The following GAS7 variants were observed in gnomAD, a reference collection of about 807,000 sequenced individuals.
GAS7 encodes the protein growth arrest-specific protein 7.
Under a neutral mutation model 71.1 loss-of-function variants are expected in GAS7, and 28 were observed. That is an observed-to-expected ratio of 0.39 (90% CI 0.29 to 0.54). The LOEUF is 0.54. Ranked by LOEUF, GAS7 falls within the 20% of genes least tolerant of loss-of-function variation. The pLI is 0.62. For missense variants in GAS7, 436 were observed against 627.8 expected, an observed-to-expected ratio of 0.69 and a Z score of 3.27; for synonymous variants, 258 against 245.8, an observed-to-expected ratio of 1.05 and a Z score of -0.46.
intron 1 of GAS7, among the ~76,000 whole-genome samples, chr17:10,108,094 G>T (rs1597796477): frequency 6.6e-6 from 1 of 151,124 alleles, no homozygotes; most frequent in East Asian, 2.0e-4. Flanking sequence ...GAGAATCACT[G>T]TACCACAGTC....
At chr17:9,997,149 G>A (rs2071080260) in intron 2 of GAS7, among the ~76,000 whole-genome samples, 1 of 150,024 alleles carries the variant, frequency 6.7e-6, no homozygotes, top group South Asian at 2.1e-4. Flanking sequence ...TTTGAACGAT[G>A]GGAGAACTAC....
chr17:10,008,951 G>A (rs899879058), intron 2 of GAS7, among the ~76,000 whole-genome samples: 1 of 152,096 alleles, frequency 6.6e-6, no homozygotes, highest in Non-Finnish European at 1.5e-5. Flanking sequence ...TTATTAACAC[G>A]GAATTATCAG....
intron 1 of GAS7, among the ~76,000 whole-genome samples, chr17:10,160,936 C>T (rs1404911560): frequency 2.1e-5 from 2 of 93,756 alleles, no homozygotes; most frequent in Non-Finnish European, 4.3e-5. Flanking sequence ...GAAATTGAAA[C>T]CATACACACA....
chr17:10,037,954 C>T (rs2072786970), intron 1 of GAS7, among the ~76,000 whole-genome samples: 1 of 151,924 alleles, frequency 6.6e-6, no homozygotes, highest in Non-Finnish European at 1.5e-5. Flanking sequence ...ATAAAAATGA[C>T]CAATAAGCAC....
chr17:9,985,966 A>G (rs2070632270), intron 2 of GAS7, among the ~76,000 whole-genome samples: 1 of 152,192 alleles, frequency 6.6e-6, no homozygotes, highest in Non-Finnish European at 1.5e-5. Context: ...ACCTGACCTA[A>G]GTCCTGCAAC....
At position 10,148,895 on chromosome 17, in the gene GAS7, G is replaced by T. The variant is rs1369899865; in HGVS notation, c.183+49313C>A. Among the ~76,000 whole-genome samples, 5 of 109,868 alleles carry T rather than the reference G, an allele frequency of 4.6e-5. 1 individual carries two copies. Among genetic ancestry groups the T allele is most frequent in the Middle Eastern group, 6.1e-3 (1 of 164 alleles). 72.1% of individuals were successfully genotyped at this position (109,868 alleles called of 152,430 possible). ...ACTGCACTCCAACCTGGGCGACAGA[G>T]AAAGACTCCGCCTCAAAAAAAAAAA... On this transcript the variant is annotated intron_variant, in intron 1 of 13. Coordinates refer to ENST00000432992, the MANE Select transcript of GAS7 (RefSeq NM_201433.2).
intron 1 of GAS7, among the ~76,000 whole-genome samples, chr17:10,028,085 A>G (rs1441630486): frequency 1.3e-5 from 2 of 152,182 alleles, no homozygotes; most frequent in Non-Finnish European, 2.9e-5. Flanking sequence ...TCTGCTTTTT[A>G]GTAGAGACGG....
At chr17:10,090,824 A>G (rs1307850663) in intron 1 of GAS7, among the ~76,000 whole-genome samples, 2 of 152,186 alleles carry the variant, frequency 1.3e-5, no homozygotes, top group Non-Finnish European at 2.9e-5. Flanking sequence ...TGGCAACCTC[A>G]GAACATGATT....
intron 1 of GAS7, among the ~76,000 whole-genome samples, chr17:10,099,797 C>T (rs1162685383): frequency 6.6e-6 from 1 of 152,150 alleles, no homozygotes; most frequent in Non-Finnish European, 1.5e-5. Context: ...CAAGGTATAC[C>T]CTCTCACCAA....
At chr17:10,092,280 C>CGG (rs1218065617) in intron 1 of GAS7, among the ~76,000 whole-genome samples, 1 of 152,226 alleles carries the variant, frequency 6.6e-6, no homozygotes, top group East Asian at 1.9e-4. Context: ...AAAATACCAT[C>CGG]TCCTGCCACC....
At chr17:10,019,234 A>G (rs554401202) in intron 2 of GAS7, among the ~76,000 whole-genome samples, 1 of 152,294 alleles carries the variant, frequency 6.6e-6, no homozygotes. Context: ...TAAATAACCC[A>G]TAAGCACCCC....
chr17:9,952,976 C>G (rs570900135), intron 5 of GAS7, among the ~76,000 whole-genome samples: 64 of 152,136 alleles, frequency 4.2e-4, no homozygotes, highest in African/African-American at 1.5e-3. Flanking sequence ...ATCATTCGAC[C>G]CAGCAATCCC....
Position 10,086,837 on chromosome 17 carries a change from G to A in GAS7, c.184-66940C>T, listed in dbSNP as rs141622047. On this transcript the variant is annotated intron_variant, in intron 1 of 13. Coordinates refer to ENST00000432992, the MANE Select transcript of GAS7 (RefSeq NM_201433.2). ...TACTTAGCCACCAGCTCACGGGAACGCATCACAGATAATGATACTGGAGGG... is the reference window on the plus strand; with the variant it reads ...TACTTAGCCACCAGCTCACGGGAACACATCACAGATAATGATACTGGAGGG... 3.7e-3 allele frequency among the ~76,000 whole-genome samples: 563 copies of A among 152,296 alleles called. 5 individuals carry two copies. The highest frequency in any genetic ancestry group is 0.01 in the Middle Eastern group (3 of 294).
intron 1 of GAS7, among the ~76,000 whole-genome samples, chr17:10,020,398 G>A (rs2072220949): frequency 6.6e-6 from 1 of 152,196 alleles, no homozygotes; most frequent in Non-Finnish European, 1.5e-5. Flanking sequence ...GAGAATCCAT[G>A]AAGAGCTGGA....
At chr17:10,132,435 TATC>T (rs1298208512) in intron 1 of GAS7, among the ~76,000 whole-genome samples, 1 of 152,170 alleles carries the variant, frequency 6.6e-6, no homozygotes, top group African/African-American at 2.4e-5. Flanking sequence ...CTCCATGTGG[TATC>T]ACATTTAAAG....
rs34994635 is a variant in GAS7 at position 9,919,969 on chromosome 17, T to TTGTGTGTG, written c.1139-272_1139-265dup. On this transcript the variant is annotated intron_variant, in intron 11 of 13. Transcript: ENST00000432992. The surrounding 1 kb of genome is among the most constrained non-coding windows in gnomAD (Gnocchi z 5.0). Reference sequence around the variant, plus strand: ...AGGATTCAGGATGGTGGTTCTCATTTTGTGTGTGTGTGTGTGTGTGTGTGT... The same window carrying TTGTGTGTG: ...AGGATTCAGGATGGTGGTTCTCATTTTGTGTGTGTGTGTGTGTGTGTGTGTGTGTGTGT... Among the ~76,000 whole-genome samples the TTGTGTGTG allele has an allele frequency of 0.025, 3,279 of 131,410 alleles. 78 individuals are homozygous for TTGTGTGTG. Among genetic ancestry groups the TTGTGTGTG allele is most frequent in the African/African-American group, 0.03 (1,044 of 34,324 alleles). 86.2% of individuals were successfully genotyped at this position (131,410 alleles called of 152,430 possible).
chr17:9,998,818 C>T (rs1177341264), intron 2 of GAS7, among the ~76,000 whole-genome samples: 1 of 152,124 alleles, frequency 6.6e-6, no homozygotes, highest in African/African-American at 2.4e-5. Context: ...GTGAGATGCC[C>T]CCATATCCCT....
chr17:9,976,586 G>C (rs144451377), intron 3 of GAS7, among the ~76,000 whole-genome samples: 1 of 151,988 alleles, frequency 6.6e-6, no homozygotes, highest in Non-Finnish European at 1.5e-5. Context: ...ATCCCTGGCC[G>C]GCTCCTCAGG....
In GAS7 at chr17:9,911,020, G is replaced by A. The variant is rs1438589609; in HGVS notation, c.*6208C>T. ...AAATTCCACTTTCATAGGGTTTGCC[G>A]ATGTGCTCGTGTCTGTGAAGGGGTT... On this transcript the variant is annotated 3_prime_UTR_variant, in exon 14 of 14. Coordinates refer to ENST00000432992, the MANE Select transcript of GAS7 (RefSeq NM_201433.2). This position sits in a 1 kb window ranked among gnomAD's most constrained non-coding sequence, Gnocchi z 4.0. 7 of 232,864 alleles carry A rather than the reference G, an allele frequency of 3.0e-5. No homozygotes were observed. The highest frequency in any genetic ancestry group is 6.6e-5 in the African/African-American group (3 of 45,292). The allele number at this position is 232,864 out of a possible 1,614,324, so 14.4% of individuals were successfully genotyped here.
Sources: gnomAD v4.1 joint callset for allele counts (sites outside exome capture counted in the v4.1 genomes callset) on GRCh38, gnomAD v4.1.1 for gene constraint, Gnocchi (gnomAD v3.1) non-coding constraint, MANE v1.5 for transcripts, NCBI Gene and HGNC (gene_info 2026-07-23, HGNC 2026-07-21) for gene names.